RERE: variants seen among roughly 807,000 people sequenced by gnomAD.
The protein encoded by RERE is arginine-glutamic acid dipeptide repeats protein.
Under a neutral mutation model 146.1 loss-of-function variants are expected in RERE, and 40 were observed. The observed-to-expected ratio is 0.27, with a 90% CI of 0.21 to 0.36. The LOEUF is 0.36. Among genes scored for constraint, RERE ranks in the 10% least tolerant of loss-of-function variants. The pLI is 1.00. For synonymous variants in RERE, 1,003 were observed against 866.0 expected (o/e 1.16, Z -2.78); for missense variants, 1,933 against 2,138.7 (o/e 0.90, Z 1.90).
At chr1:8,660,695 G>A (rs142825850) in intron 1 of RERE, among the ~76,000 whole-genome samples, 2 of 152,282 alleles carry the variant, frequency 1.3e-5, no homozygotes, top group East Asian at 3.9e-4. Flanking sequence ...GATGATTCAC[G>A]CAGACAGATT....
intron 10 of RERE, among the ~76,000 whole-genome samples, chr1:8,479,441 C>T (rs910991056): frequency 1.3e-5 from 2 of 151,928 alleles, no homozygotes; most frequent in Non-Finnish European, 2.9e-5. Flanking sequence ...ATGAATGTGA[C>T]CTTATTTGGG....
At chr1:8,503,608 A>G (rs577672947) in intron 8 of RERE, among the ~76,000 whole-genome samples, 10 of 152,304 alleles carry the variant, frequency 6.6e-5, no homozygotes, top group Non-Finnish European at 1.3e-4. Context: ...ATATACTGTT[A>G]AAAGAAAGGT....
intron 1 of RERE, among the ~76,000 whole-genome samples, chr1:8,713,423 G>GA (rs1639705430): frequency 6.6e-6 from 1 of 152,092 alleles, no homozygotes; most frequent in African/African-American, 2.4e-5. Context: ...CTGCTTTTAA[G>GA]AAAAAAATTT....
chr1:8,678,984 A>T (rs1638905911), intron 1 of RERE, among the ~76,000 whole-genome samples: 1 of 152,230 alleles, frequency 6.6e-6, no homozygotes, highest in African/African-American at 2.4e-5. Context: ...TAAAATTTTT[A>T]AAATGTACTT....
At chr1:8,816,775 A>G (rs986454527) in intron 1 of RERE, among the ~76,000 whole-genome samples, 3 of 152,164 alleles carry the variant, frequency 2.0e-5, no homozygotes, top group Admixed American at 2.0e-4. Context: ...CTTTAATAAT[A>G]AAGTCCTCCC....
chr1:8,721,245 G>T (rs1639858426), intron 1 of RERE, among the ~76,000 whole-genome samples: 2 of 152,256 alleles, frequency 1.3e-5, no homozygotes, highest in South Asian at 4.1e-4. Context: ...CTGCAGGCCT[G>T]AACACAAGAT....
intron 12 of RERE, among the ~76,000 whole-genome samples, chr1:8,375,570 TTCCTCGCTCAGCAGCCACTGAAAATGC>T (rs1325612030): frequency 1.9e-3 from 281 of 151,364 alleles, no homozygotes; most frequent in Non-Finnish European, 3.1e-3. Context: ...CTGAAAATGC[TTCCTCGCTCAGCAGCCACTGAAAATGC>T]TTCCTCGCTC....
chr1:8,574,537 T>C (rs1646266473), intron 4 of RERE, among the ~76,000 whole-genome samples: 1 of 151,974 alleles, frequency 6.6e-6, no homozygotes, highest in Non-Finnish European at 1.5e-5. Context: ...TTAGTAGAGA[T>C]AGGGTTTCAT....
intron 12 of RERE, among the ~76,000 whole-genome samples, chr1:8,409,294 T>C (rs1421554436): frequency 1.3e-5 from 2 of 152,212 alleles, no homozygotes; most frequent in South Asian, 2.1e-4. Flanking sequence ...CTGCCCTTGC[T>C]CTCCTGTCAC....
At chr1:8,512,076 G>C (rs1645347760) in intron 7 of RERE, among the ~76,000 whole-genome samples, 2 of 120,352 alleles carry the variant, frequency 1.7e-5, no homozygotes, top group South Asian at 5.6e-4. Context: ...GCCCAGGCCG[G>C]ACTGCAGACT....
intron 11 of RERE, among the ~76,000 whole-genome samples, chr1:8,430,269 T>C (rs1644078294): frequency 6.6e-6 from 1 of 152,188 alleles, no homozygotes; most frequent in South Asian, 2.1e-4. Flanking sequence ...TTTCAATAAA[T>C]AGCAACAGAA....
At chr1:8,762,649 G>C (rs1640777052) in intron 1 of RERE, among the ~76,000 whole-genome samples, 1 of 152,038 alleles carries the variant, frequency 6.6e-6, no homozygotes, top group African/African-American at 2.4e-5. Flanking sequence ...CCTCAGCTTT[G>C]GTCCTTCTGG....
intron 1 of RERE, among the ~76,000 whole-genome samples, chr1:8,777,566 G>A (rs1641088606): frequency 1.5e-5 from 2 of 137,548 alleles, no homozygotes; most frequent in African/African-American, 2.7e-5. Context: ...ATGCAGTCTC[G>A]CTCTGTTGCC....
intron 1 of RERE, among the ~76,000 whole-genome samples, chr1:8,775,540 C>T (rs1013264201): frequency 1.3e-5 from 2 of 152,144 alleles, no homozygotes; most frequent in East Asian, 1.9e-4. Flanking sequence ...GCTACAATCA[C>T]ACCACTGCAC....
intron 1 of RERE, among the ~76,000 whole-genome samples, chr1:8,691,753 T>G (rs1331885946): frequency 2.0e-5 from 3 of 152,236 alleles, no homozygotes; most frequent in Non-Finnish European, 4.4e-5. Context: ...CAAATCATCT[T>G]AACAACCAAG....
chr1:8,760,228 T>C (rs186380641), intron 1 of RERE, among the ~76,000 whole-genome samples: 52 of 152,326 alleles, frequency 3.4e-4, no homozygotes, highest in African/African-American at 1.2e-3. Context: ...GGTTTCATCA[T>C]GTTGGCCAGA....
intron 12 of RERE, among the ~76,000 whole-genome samples, chr1:8,404,603 G>A (rs549056264): frequency 6.6e-6 from 1 of 152,288 alleles, no homozygotes; most frequent in African/African-American, 2.4e-5. Flanking sequence ...AAAGCAGAGT[G>A]TCCCACAGAT....
At chr1:8,776,714 T>C (rs1472662153) in intron 1 of RERE, among the ~76,000 whole-genome samples, 1 of 152,142 alleles carries the variant, frequency 6.6e-6, no homozygotes, top group African/African-American at 2.4e-5. Flanking sequence ...CCTTAAATTC[T>C]TTTTTATTTT....
chr1:8,661,643 T>C (rs139878358), intron 1 of RERE, among the ~76,000 whole-genome samples: 1 of 152,016 alleles, frequency 6.6e-6, no homozygotes, highest in East Asian at 1.9e-4. Flanking sequence ...ATAAATAGGA[T>C]GTGCTGATAA....
Sources: allele counts gnomAD v4.1 joint callset (sites outside exome capture counted in the v4.1 genomes callset), GRCh38; gene constraint gnomAD v4.1.1; transcripts MANE v1.5; gene names NCBI Gene and HGNC (gene_info 2026-07-23, HGNC 2026-07-21).